Variants in TRPM5 observed in about 807,000 individuals in gnomAD.
TRPM5 encodes MLSN1 and TRP-related.
Under a neutral mutation model 124.9 loss-of-function variants are expected in TRPM5, and 121 were observed. That is an observed-to-expected ratio of 0.97 (90% confidence interval 0.84 to 1.13). The LOEUF (loss-of-function observed/expected upper bound fraction) is 1.13. Ranked by LOEUF, TRPM5 falls within the 50% of genes most tolerant of loss-of-function variation. The probability of loss-of-function intolerance (pLI) is 0.00; values close to 1 mark genes in which losing one functional copy is unlikely to be tolerated. For missense variants in TRPM5, 1,643 were observed against 1,589.1 expected (o/e 1.03, Z -0.58); for synonymous variants, 781 against 700.5 (o/e 1.11, Z -1.81).
intron 18 of TRPM5, among the ~76,000 whole-genome samples, chr11:2,410,909 G>A (rs548783933): frequency 1.8e-4 from 27 of 152,314 alleles, no homozygotes; most frequent in African/African-American, 5.5e-4. Flanking sequence ...GGAGGGCAGA[G>A]GCCAGGGGCT....
At chr11:2,421,253 T>G in intron 2 of TRPM5, 55 bp from the exon 8 acceptor site, 2 of 1,509,336 alleles carry the variant, frequency 1.3e-6, no homozygotes, top group Non-Finnish European at 1.8e-6. Context: ...CTTCCCTAGC[T>G]GGCCCCACGC....
chr11:2,434,023 CTGTG>C, the TRPM5 span, among the ~76,000 whole-genome samples: 4 of 150,758 alleles, frequency 2.7e-5, no homozygotes, highest in East Asian at 7.8e-4. Flanking sequence ...TATGTAGACA[CTGTG>C]TGTGGCTGTG....
intron 23 of TRPM5, 140 bp from the exon 29 acceptor site, chr11:2,405,183 G>A: frequency 1.5e-6 from 1 of 689,656 alleles, no homozygotes. Flanking sequence ...TGGGGAAGAT[G>A]GGGAGCCCAG....
intron 22 of TRPM5, 101 bp downstream of exon 27, chr11:2,405,918 C>G: frequency 8.8e-7 from 1 of 1,136,456 alleles, no homozygotes; most frequent in East Asian, 2.4e-5. Flanking sequence ...TCTGGCCTGC[C>G]TCATCTCTGT....
exon 21 of TRPM5, chr11:2,406,690 C>A (rs200235283): frequency 5.0e-6 from 8 of 1,613,032 alleles, no homozygotes; most frequent in South Asian, 1.1e-5. Flanking sequence ...GCACCTCCCC[C>A]TCGCTGTCCC....
the TRPM5 span, among the ~76,000 whole-genome samples, chr11:2,428,771 T>C: frequency 6.6e-6 from 1 of 151,226 alleles, no homozygotes; most frequent in African/African-American, 2.4e-5. This position sits in a 1 kb window ranked among gnomAD's most constrained non-coding sequence, Gnocchi z 4.0. Flanking sequence ...GTGATGATGA[T>C]GATGGTGGTG....
intron 1 of TRPM5, 90 bp downstream of exon 6, chr11:2,422,830 C>A: frequency 8.7e-7 from 1 of 1,146,918 alleles, no homozygotes. Flanking sequence ...GTGAGGAGGA[C>A]CCTGGCACTC....
exon 14 of TRPM5, chr11:2,413,204 C>T: frequency 6.5e-7 from 1 of 1,550,230 alleles, no homozygotes; most frequent in African/African-American, 1.4e-5. Context: ...TCCTCCAGGC[C>T]TGTCCTCAGG....
chr11:2,424,025 G>A (rs565726727), upstream of TRPM5, among the ~76,000 whole-genome samples: 8 of 152,310 alleles, frequency 5.3e-5, no homozygotes, highest in Middle Eastern at 3.4e-3. Context: ...CTGGAACCAC[G>A]CGTCGGGTCA....
intron 15 of TRPM5, among the ~76,000 whole-genome samples, 170 bp from the exon 21 acceptor site, chr11:2,412,423 C>A (rs1850471134): frequency 6.6e-6 from 1 of 152,004 alleles, no homozygotes; most frequent in South Asian, 2.1e-4. Context: ...TGTCTGGGGA[C>A]AGAAGGTGAG....
chr11:2,414,929 A>T, exon 10 of TRPM5: 1 of 1,607,442 alleles, frequency 6.2e-7, no homozygotes. Context: ...GTAGGTGGCC[A>T]TCTCGTGGCG....
chr11:2,425,629 A>AATCCTCACCCTGGGCGGGG (rs1554956521), upstream of TRPM5, among the ~76,000 whole-genome samples: 1 of 150,644 alleles, frequency 6.6e-6, no homozygotes, highest in Non-Finnish European at 1.5e-5. Context: ...CCTGGGCGGG[A>AATCCTCACCCTGGGCGGGG]GTCCTCACCC....
At chr11:2,414,009 G>GGGGGGGCCCCCCCCCCC in intron 12 of TRPM5, 52 bp downstream of exon 17, 229 of 1,023,386 alleles carry the variant, frequency 2.2e-4, no homozygotes, top group Middle Eastern at 3.1e-4. Context: ...GGCCCAGCTC[G>GGGGGGGCCCCCCCCCCC]CCCGCCCACC....
exon 14 of TRPM5, chr11:2,413,202 G>T (rs377552393): frequency 7.7e-5 from 120 of 1,550,368 alleles, no homozygotes; most frequent in Non-Finnish European, 9.8e-5. Context: ...GGTCCTCCAG[G>T]CCTGTCCTCA....
intron 19 of TRPM5, 60 bp from the exon 25 acceptor site, chr11:2,407,360 T>C (rs1472583978): frequency 6.7e-6 from 10 of 1,501,218 alleles, no homozygotes; most frequent in Admixed American, 4.3e-5. Context: ...GGGGGACGCA[T>C]CCCCCTGCAC....
intron 10 of TRPM5, 26 bp downstream of exon 15, chr11:2,414,881 G>T (rs749522122): frequency 6.3e-7 from 1 of 1,595,380 alleles, no homozygotes; most frequent in Non-Finnish European, 8.5e-7. Flanking sequence ...CCCTGCCCCC[G>T]CGCTGGGCCC....
intron 2 of TRPM5, among the ~76,000 whole-genome samples, chr11:2,421,467 C>G (rs991835027): frequency 7.5e-4 from 114 of 152,186 alleles, no homozygotes; most frequent in Non-Finnish European, 2.5e-4. Context: ...GGGGTCCAGT[C>G]CCCCCACCGT....
exon 14 of TRPM5, chr11:2,413,171 C>T: frequency 3.2e-6 from 5 of 1,552,512 alleles, no homozygotes; most frequent in Non-Finnish European, 4.4e-6. Context: ...TTCTCCGTGT[C>T]CAGGCTGTCC....
At chr11:2,409,366 A>G (rs1850395426) in intron 18 of TRPM5, among the ~76,000 whole-genome samples, 1 of 152,026 alleles carries the variant, frequency 6.6e-6, no homozygotes, top group Non-Finnish European at 1.5e-5. Context: ...TGTCTGATAA[A>G]GGCAGCTCTG....
Sources: gnomAD v4.1 joint callset for allele counts (sites outside exome capture counted in the v4.1 genomes callset) on GRCh38, gnomAD v4.1.1 for gene constraint, Gnocchi (gnomAD v3.1) non-coding constraint, MANE v1.5 for transcripts, NCBI Gene and HGNC (gene_info 2026-07-23, HGNC 2026-07-21) for gene names.